Variants in CCDC146 observed in about 807,000 individuals in gnomAD.
CCDC146 encodes coiled-coil domain containing 146, also known as coiled-coil domain-containing protein 146.
Under a neutral mutation model 119.3 loss-of-function variants are expected in CCDC146, and 92 were observed. The ratio of observed to expected loss-of-function variants is 0.77; its 90% CI spans 0.65 to 0.92. The LOEUF (loss-of-function observed/expected upper bound fraction) is 0.92, where lower values mean the gene tolerates loss of function less well. Among genes scored for constraint, CCDC146 ranks in the 40% least tolerant of loss-of-function variants. The pLI is 0.00. For synonymous variants in CCDC146, 372 were observed against 371.8 expected (o/e 1.00, Z -0.01); for missense variants, 1,000 against 1,103.0 (o/e 0.91, Z 1.32).
chr7:77,280,400 T>A, intron 13 of CCDC146, 29 bp from the exon 14 acceptor site: 1 of 1,520,736 alleles, frequency 6.6e-7, no homozygotes, highest in Non-Finnish European at 8.9e-7. Flanking sequence ...AAAATTATAA[T>A]CTTACCCATT....
chr7:77,273,700 G>A lies in CCDC146; in HGVS notation c.1180G>A (p.Ala394Thr). Residue 394 changes from alanine (A) to threonine (T), a missense_variant, in exon 10 of 19, where the codon GCT becomes ACT. Around this residue, in one of 2 missense-constraint regions of CCDC146, gnomAD observed 985 missense variants for 1,045.3 expected, o/e 0.94. Transcript: ENST00000285871. ...LHQRLLLEME[A>T]IPKDDSTLSE... ...TTTAAATTTTGATTTCCAGATGGAA[G>A]CTATCCCCAAAGATGATTCTACATT... The A allele has an allele frequency of 6.2e-7, 1 of 1,605,932 alleles. No homozygotes were observed. The highest frequency in any genetic ancestry group is 8.5e-7 in the Non-Finnish European group (1 of 1,174,856).
intron 8 of CCDC146, among the ~76,000 whole-genome samples, chr7:77,260,998 G>T (rs1271404031): frequency 6.6e-6 from 1 of 151,956 alleles, no homozygotes; most frequent in African/African-American, 2.4e-5. Context: ...TTATTTTTTT[G>T]GGGGGTGGGG....
intron 1 of CCDC146, among the ~76,000 whole-genome samples, chr7:77,146,546 A>T (rs1043631358): frequency 6.6e-6 from 1 of 152,144 alleles, no homozygotes; most frequent in African/African-American, 2.4e-5. Context: ...AGTGGCTCAT[A>T]CCAGTTGTTC....
At chr7:77,288,214 T>C (rs1174406694) in intron 17 of CCDC146, among the ~76,000 whole-genome samples, 1 of 152,208 alleles carries the variant, frequency 6.6e-6, no homozygotes, top group African/African-American at 2.4e-5. Context: ...CCCAGCATGT[T>C]GCATGCTAGT....
intron 4 of CCDC146, among the ~76,000 whole-genome samples, chr7:77,251,903 C>G (rs1330473984): frequency 6.6e-6 from 1 of 152,204 alleles, no homozygotes; most frequent in Non-Finnish European, 1.5e-5. Context: ...AATCCCAGCA[C>G]TTTGGGAGGC....
intron 3 of CCDC146, among the ~76,000 whole-genome samples, chr7:77,240,807 A>G (rs2150487870): frequency 6.6e-6 from 1 of 152,294 alleles, no homozygotes; most frequent in South Asian, 2.1e-4. Context: ...GTATATTACT[A>G]TTAATTAAAC....
intron 2 of CCDC146, among the ~76,000 whole-genome samples, chr7:77,208,941 C>A (rs1358649868): frequency 1.3e-5 from 2 of 152,168 alleles, no homozygotes; most frequent in South Asian, 2.1e-4. Context: ...CTGAAGGAAT[C>A]CTCCTGCCTT....
intron 2 of CCDC146, chr7:77,199,213 C>T (rs1210610972): frequency 6.2e-7 from 1 of 1,613,868 alleles, no homozygotes; most frequent in Non-Finnish European, 8.5e-7. Context: ...TTGGCTGGGA[C>T]ACTTTGAACA....
chr7:77,254,667 A>G, intron 5 of CCDC146, 104 bp downstream of exon 5: 1 of 644,334 alleles, frequency 1.6e-6, no homozygotes, highest in South Asian at 2.1e-5. Context: ...GAAACATTTT[A>G]AAGACTCTAA....
chr7:77,190,849 T>G (rs562725729), intron 2 of CCDC146, among the ~76,000 whole-genome samples: 5 of 152,358 alleles, frequency 3.3e-5, no homozygotes, highest in African/African-American at 1.2e-4. Context: ...TGAAGGAGTC[T>G]TTATTTTAAT....
chr7:77,155,077 A>C (rs1294606099), intron 1 of CCDC146, among the ~76,000 whole-genome samples: 2 of 152,246 alleles, frequency 1.3e-5, no homozygotes, highest in African/African-American at 4.8e-5. Flanking sequence ...GGCTCTGCTG[A>C]CTGCTAAATT....
intron 18 of CCDC146, among the ~76,000 whole-genome samples, 157 bp from the exon 19 acceptor site, chr7:77,294,493 TGTGTGTGTGTGTG>T (rs1181251844): frequency 6.0e-5 from 9 of 151,020 alleles, no homozygotes; most frequent in African/African-American, 2.2e-4. Flanking sequence ...TGTGTGTGTG[TGTGTGTGTGTGTG>T]GTGTGATTCT....
At chr7:77,147,176 A>G (rs1307832165) in intron 1 of CCDC146, among the ~76,000 whole-genome samples, 2 of 152,178 alleles carry the variant, frequency 1.3e-5, no homozygotes, top group South Asian at 2.1e-4. Context: ...TCAATCACTG[A>G]TACCCTTTCT....
chr7:77,203,041 C>G (rs12055944), intron 2 of CCDC146, among the ~76,000 whole-genome samples: 10,473 of 144,092 alleles, frequency 0.073, 1,409 homozygotes, highest in African/African-American at 0.25. Flanking sequence ...GCCCCCCCCC[C>G]CCCCAGGACT....
intron 11 of CCDC146, among the ~76,000 whole-genome samples, chr7:77,276,623 C>T (rs907625733): frequency 2.6e-5 from 4 of 152,190 alleles, no homozygotes; most frequent in African/African-American, 7.2e-5. Flanking sequence ...ATGAAGGCTG[C>T]AGCAAGAGTG....
At chr7:77,232,963 T>C (rs1170075844) in intron 2 of CCDC146, among the ~76,000 whole-genome samples, 1 of 152,228 alleles carries the variant, frequency 6.6e-6, no homozygotes, top group Non-Finnish European at 1.5e-5. Context: ...CTTGCTGAGC[T>C]TCAGTAGATT....
intron 1 of CCDC146, among the ~76,000 whole-genome samples, chr7:77,135,051 C>CT (rs924832123): frequency 6.6e-6 from 1 of 152,206 alleles, no homozygotes; most frequent in African/African-American, 2.4e-5. Context: ...CTTGATTTAA[C>CT]TCATCACAAC....
At chr7:77,251,874 C>T (rs1430279816) in intron 4 of CCDC146, among the ~76,000 whole-genome samples, 3 of 152,188 alleles carry the variant, frequency 2.0e-5, no homozygotes, top group African/African-American at 7.2e-5. Flanking sequence ...CATGGCCGGG[C>T]GCAGTGGCTC....
chr7:77,223,339 G>C (rs1222143094), intron 2 of CCDC146, among the ~76,000 whole-genome samples: 1 of 152,214 alleles, frequency 6.6e-6, no homozygotes, highest in African/African-American at 2.4e-5. Flanking sequence ...AGTCATACAT[G>C]TGGCTAAGCA....
Sources: gnomAD v4.1 joint callset for allele counts (sites outside exome capture counted in the v4.1 genomes callset) on GRCh38, gnomAD v4.1.1 for gene constraint, gnomAD v4.1.1 regional missense constraint, MANE v1.5 for transcripts, NCBI Gene and HGNC (gene_info 2026-07-23, HGNC 2026-07-21) for gene names.